Variants in SLC2A11 observed in about 807,000 individuals in gnomAD.
SLC2A11 encodes solute carrier family 2 member 11, also known as solute carrier family 2, facilitated glucose transporter member 11.
In SLC2A11, 43 loss-of-function variants were observed where a neutral mutation model predicts 52.1. That is an observed-to-expected ratio of 0.82 (90% CI 0.65 to 1.06). The LOEUF (loss-of-function observed/expected upper bound fraction) is 1.06, where lower values mean the gene tolerates loss of function less well. Among genes scored for constraint, SLC2A11 ranks in the 50% least tolerant of loss-of-function variants. The probability of loss-of-function intolerance (pLI) is 0.00; values close to 1 mark genes in which losing one functional copy is unlikely to be tolerated. For synonymous variants in SLC2A11, 261 were observed against 277.6 expected (o/e 0.94, Z 0.59); for missense variants, 582 against 654.2 (o/e 0.89, Z 1.20).
At chr22:23,864,417 G>A (rs2032187151) in intron 2 of SLC2A11, among the ~76,000 whole-genome samples, 1 of 152,148 alleles carries the variant, frequency 6.6e-6, no homozygotes, top group Admixed American at 6.5e-5. Context: ...CACCTCCTGG[G>A]TTCAAGCGAT....
At chr22:23,876,963 G>C (rs1362493937) in intron 4 of SLC2A11, 79 bp from the exon 5 acceptor site, 5 of 1,606,620 alleles carry the variant, frequency 3.1e-6, no homozygotes, top group Non-Finnish European at 4.2e-6. Flanking sequence ...TGCTGAGTGG[G>C]GCAGGGGAGA....
In SLC2A11 at chr22:23,875,115, AG is replaced by A. The variant is rs1450987479; in HGVS notation, c.291del. On this transcript the variant is annotated splice_acceptor_variant, in intron 3 of 11. Coordinates refer to ENST00000316185, the MANE Select transcript of SLC2A11 (RefSeq NM_001024939.4). LOFTEE classifies it high-confidence loss of function. ...CTTTCTGTGTGTTTCACTTCCCCCA[AG>A]GAAGAAGTCCCTCCTGGTGAATAAC... The A allele has an allele frequency of 5.7e-6, 9 of 1,573,524 alleles. No individual in the cohort carries two copies. The highest frequency in any genetic ancestry group is 4.3e-6 in the Non-Finnish European group (5 of 1,159,052).
Position 23,873,529 on chromosome 22 carries a change from C to T in SLC2A11, c.291-1588C>T, listed in dbSNP as rs112087747. Among the ~76,000 whole-genome samples the T allele has an allele frequency of 2.8e-3, 431 of 152,120 alleles. 3 individuals are homozygous for T. Among genetic ancestry groups the T allele is most frequent in the South Asian group, 0.015 (73 of 4,818 alleles). ...TTCACCATGTTGGCCAGGCTGGTCT[C>T]GAACTTCTGACCTCGTGATCCCCCC... On this transcript the variant is annotated intron_variant, in intron 3 of 11. Coordinates refer to ENST00000316185, the MANE Select transcript of SLC2A11 (RefSeq NM_001024939.4).
At chr22:23,882,347 C>T (rs2032842017) in intron 6 of SLC2A11, 112 bp from the exon 7 acceptor site, 1 of 942,458 alleles carries the variant, frequency 1.1e-6, no homozygotes, top group Non-Finnish European at 1.5e-6. Context: ...GACTCAGAGA[C>T]AGAGAGTGAG....
chr22:23,857,877 C>T lies in SLC2A11; in HGVS notation c.-123C>T, dbSNP rs934797995. On this transcript the variant is annotated 5_prime_UTR_variant, in exon 1 of 12. Coordinates refer to ENST00000316185, the MANE Select transcript of SLC2A11 (RefSeq NM_001024939.4). ...GCTCACTGCGCGTGCGCTAGCGCCT[C>T]TTTCACCACTGGGCGCTGCGCGCTG... 1 of 1,547,694 alleles carries T rather than the reference C, an allele frequency of 6.5e-7. No individual in the cohort carries two copies. The highest frequency in any genetic ancestry group is 8.7e-7 in the Non-Finnish European group (1 of 1,148,348).
intron 6 of SLC2A11, among the ~76,000 whole-genome samples, chr22:23,879,264 T>G (rs1164725416): frequency 6.6e-6 from 1 of 152,158 alleles, no homozygotes; most frequent in Admixed American, 6.6e-5. Context: ...TGTTCTTGTT[T>G]TTTTGGTTTT....
chr22:23,886,109 T>C lies in SLC2A11; in HGVS notation c.*1260T>C, dbSNP rs2094159314. On this transcript the variant is annotated 3_prime_UTR_variant, in exon 12 of 12. Coordinates refer to ENST00000316185, the MANE Select transcript of SLC2A11 (RefSeq NM_001024939.4). ...ATTCCGTACTGTATGTACACATTTGTGTCTGGCTTGGCTCCAGATAAAGTT... is the reference window on the plus strand; with the variant it reads ...ATTCCGTACTGTATGTACACATTTGCGTCTGGCTTGGCTCCAGATAAAGTT... 6.6e-6 allele frequency: 1 copy of C among 152,256 alleles called. No homozygotes were observed. The allele number at this position is 152,256 out of a possible 1,614,324, so 9.4% of individuals were successfully genotyped here.
Position 23,884,193 on chromosome 22 carries a change from C to T in SLC2A11, c.1172-109C>T. 2.7e-6 allele frequency: 4 copies of T among 1,496,638 alleles called. No homozygotes were observed. Among genetic ancestry groups the T allele is most frequent in the African/African-American group, 1.4e-5 (1 of 71,632 alleles). 92.7% of individuals were successfully genotyped at this position (1,496,638 alleles called of 1,614,324 possible). A position where few individuals can be genotyped will look rare whatever the true frequency, so the allele number is the denominator to read the frequency against. On this transcript the variant is annotated intron_variant, in intron 10 of 11. Coordinates refer to ENST00000316185, the MANE Select transcript of SLC2A11 (RefSeq NM_001024939.4). This position sits in a 1 kb window ranked among gnomAD's most constrained non-coding sequence, Gnocchi z 4.3. ...GGCAGGAGGAGAGCACTGAGGGGCC[C>T]CCCATACAGACTGGGCCTGGGCTCC... is the stretch of plus-strand genomic sequence containing the variant.
intron 2 of SLC2A11, among the ~76,000 whole-genome samples, chr22:23,864,120 C>T (rs1263770752): frequency 3.3e-5 from 5 of 152,068 alleles, no homozygotes; most frequent in Non-Finnish European, 7.4e-5. Flanking sequence ...CTGGGATGCT[C>T]AGATTGGCCA....
At chr22:23,857,199 A>T, upstream of SLC2A11, 1 of 784,454 alleles carries the variant, frequency 1.3e-6, no homozygotes, top group East Asian at 2.7e-5. Flanking sequence ...CGGCGCAGGG[A>T]ATCGCGCAGG....
At position 23,885,624 on chromosome 22, in the gene SLC2A11, T is replaced by C. The variant is rs1166875369; in HGVS notation, c.*775T>C. 1 of 151,834 alleles carries C rather than the reference T, an allele frequency of 6.6e-6. No individual in the cohort carries two copies. Among genetic ancestry groups the C allele is most frequent in the African/African-American group, 2.4e-5 (1 of 41,288 alleles). 9.4% of individuals were successfully genotyped at this position (151,834 alleles called of 1,614,324 possible). A position where few individuals can be genotyped will look rare whatever the true frequency, so the allele number is the denominator to read the frequency against. On this transcript the variant is annotated 3_prime_UTR_variant, in exon 12 of 12. Transcript: ENST00000316185. ...AGGAGGCTGAAATGGGAGGATCACTTGAGCCTGGGAGGTCGAGGCTGCAGT... is the reference window on the plus strand; with the variant it reads ...AGGAGGCTGAAATGGGAGGATCACTCGAGCCTGGGAGGTCGAGGCTGCAGT...
At chr22:23,861,617 C>A (rs760851338) in intron 1 of SLC2A11, among the ~76,000 whole-genome samples, 1 of 152,186 alleles carries the variant, frequency 6.6e-6, no homozygotes. Flanking sequence ...CTTCTCTTAG[C>A]CTCATTGCAG....
Position 23,884,849 on chromosome 22 carries a change from G to A in SLC2A11, c.1500G>A (p.Ter500=). 1 of 1,613,960 alleles carries A rather than the reference G, an allele frequency of 6.2e-7. No homozygotes were observed. Among genetic ancestry groups the A allele is most frequent in the East Asian group, 2.2e-5 (1 of 44,878 alleles). ...AGGTTATCCAGTCAACAGAACTCTAGTCCCAAAGGGGTGGCCAGAGCCAAA... is the reference window on the plus strand; with the variant it reads ...AGGTTATCCAGTCAACAGAACTCTAATCCCAAAGGGGTGGCCAGAGCCAAA... The part of the protein sequence containing the change: ...SLEVIQSTEL[*] The change falls in exon 12 of 12, where the codon TAG becomes TAA. Residue 500 remains the stop codon, a stop_retained_variant. Coordinates refer to ENST00000316185, the MANE Select transcript of SLC2A11 (RefSeq NM_001024939.4). The surrounding 1 kb of genome is among the most constrained non-coding windows in gnomAD (Gnocchi z 4.3).
rs2032949939 is a variant in SLC2A11 at position 23,884,843 on chromosome 22, A to T, written c.1494A>T (p.Glu498Asp). ...WRSLEVIQST[E>D]L ...GCCTGGAGGTTATCCAGTCAACAGAACTCTAGTCCCAAAGGGGTGGCCAGA... is the reference window on the plus strand; with the variant it reads ...GCCTGGAGGTTATCCAGTCAACAGATCTCTAGTCCCAAAGGGGTGGCCAGA... The change falls in exon 12 of 12, where the codon GAA becomes GAT. Residue 498 changes from glutamate (E) to aspartate (D), a missense_variant. Coordinates refer to ENST00000316185, the MANE Select transcript of SLC2A11 (RefSeq NM_001024939.4). The surrounding 1 kb of genome is among the most constrained non-coding windows in gnomAD (Gnocchi z 4.3). 6.2e-7 allele frequency: 1 copy of T among 1,613,702 alleles called. No individual in the cohort carries two copies. Among genetic ancestry groups the T allele is most frequent in the Non-Finnish European group, 8.5e-7 (1 of 1,179,920 alleles).
chr22:23,876,968 G>T, intron 4 of SLC2A11, 74 bp from the exon 5 acceptor site: 1 of 1,608,846 alleles, frequency 6.2e-7, no homozygotes. Flanking sequence ...AGTGGGGCAG[G>T]GGAGACAGGC....
rs751835156 is a variant in SLC2A11 at position 23,877,550 on chromosome 22, T to G, written c.546-171T>G. 1.5e-5 allele frequency: 14 copies of G among 922,270 alleles called. No homozygotes were observed. The South Asian group carries it at 1.8e-4, about 12-fold the overall frequency. 57.1% of individuals were successfully genotyped at this position (922,270 alleles called of 1,614,324 possible). On this transcript the variant is annotated intron_variant, in intron 5 of 11. Coordinates refer to ENST00000316185, the MANE Select transcript of SLC2A11 (RefSeq NM_001024939.4). ...GTGGGGCAGTGGCCCTGTCCTCTCTTGGTCCCAACCTGGGTGGGAGGGATC... is the reference window on the plus strand; with the variant it reads ...GTGGGGCAGTGGCCCTGTCCTCTCTGGGTCCCAACCTGGGTGGGAGGGATC...
At chr22:23,882,147 CAGACACAG>C (rs2032831419) in intron 6 of SLC2A11, 2 of 455,434 alleles carry the variant, frequency 4.4e-6, no homozygotes, top group East Asian at 3.7e-5. Flanking sequence ...CACACACACA[CAGACACAG>C]AGACAGAGAG....
intron 7 of SLC2A11, 23 bp from the exon 8 acceptor site, chr22:23,882,736 G>A (rs1455664824): frequency 1.2e-6 from 2 of 1,608,112 alleles, no homozygotes; most frequent in Non-Finnish European, 1.7e-6. Flanking sequence ...GGGAGCCCAG[G>A]CCTGAAAGCC....
At chr22:23,857,189 C>G, upstream of SLC2A11, 1 of 821,826 alleles carries the variant, frequency 1.2e-6, no homozygotes, top group Non-Finnish European at 1.9e-6. Flanking sequence ...CAGTGGCGAC[C>G]GGCGCAGGGA....
Sources: allele counts gnomAD v4.1 joint callset (sites outside exome capture counted in the v4.1 genomes callset), GRCh38; gene constraint gnomAD v4.1.1; non-coding constraint Gnocchi (gnomAD v3.1); transcripts MANE v1.5; gene names NCBI Gene and HGNC (gene_info 2026-07-23, HGNC 2026-07-21).